Variants in CDH13 observed in about 807,000 individuals in gnomAD.
CDH13 encodes cadherin-13.
A neutral mutation model predicts 63.8 loss-of-function variants in CDH13; 24 were observed. The observed-to-expected ratio is 0.38, with a 90% CI of 0.27 to 0.53. The LOEUF is 0.53. CDH13 is among the 20% of genes least tolerant of loss of function. CDH13 has a pLI of 0.85. For missense variants in CDH13, 1,049 were observed against 903.1 expected (o/e 1.16, Z -2.07); for synonymous variants, 503 against 355.3 (o/e 1.42, Z -4.67).
intron 6 of CDH13, among the ~76,000 whole-genome samples, chr16:83,409,044 T>C (rs2092088476): frequency 6.6e-6 from 1 of 152,060 alleles, no homozygotes; most frequent in Non-Finnish European, 1.5e-5. Context: ...CAGATGCTGA[T>C]GCTGAGGCAA....
intron 1 of CDH13, among the ~76,000 whole-genome samples, chr16:82,834,954 C>G (rs1290078950): frequency 2.0e-5 from 3 of 152,158 alleles, no homozygotes; most frequent in Admixed American, 6.5e-5. Flanking sequence ...ACTACTGGCT[C>G]TTTAAGAAAA....
chr16:82,851,441 AAAATAAAAAG>A (rs1567600134), intron 1 of CDH13, among the ~76,000 whole-genome samples: 1 of 22,776 alleles, frequency 4.4e-5, no homozygotes, highest in Non-Finnish European at 1.1e-4. Context: ...TCTCAAAAAA[AAAATAAAAAG>A]AAAAAGAAAA....
At chr16:83,483,131 A>C (rs2073811024) in intron 6 of CDH13, among the ~76,000 whole-genome samples, 1 of 152,198 alleles carries the variant, frequency 6.6e-6, no homozygotes, top group African/African-American at 2.4e-5. Flanking sequence ...ACGCAGCTTG[A>C]AAAGACTTGA....
At chr16:83,400,791 C>G (rs1273004981) in intron 6 of CDH13, among the ~76,000 whole-genome samples, 2 of 152,110 alleles carry the variant, frequency 1.3e-5, no homozygotes, top group African/African-American at 4.8e-5. Context: ...AGTTGCTGCC[C>G]TTGTTGTTTA....
chr16:83,673,616 A>G (rs780162779), intron 9 of CDH13, among the ~76,000 whole-genome samples: 23 of 152,242 alleles, frequency 1.5e-4, no homozygotes, highest in Admixed American at 2.0e-4. Flanking sequence ...CCAGACTTGC[A>G]GGAAGGAGCC....
chr16:83,483,520 C>T (rs1441116778), intron 6 of CDH13, among the ~76,000 whole-genome samples: 4 of 150,912 alleles, frequency 2.7e-5, no homozygotes, highest in Non-Finnish European at 5.9e-5. Flanking sequence ...AGTTGCAAGC[C>T]ATGATGACTT....
intron 3 of CDH13, among the ~76,000 whole-genome samples, chr16:83,064,135 C>T (rs990856979): frequency 6.6e-6 from 1 of 152,066 alleles, no homozygotes; most frequent in African/African-American, 2.4e-5. Context: ...CTTTGGGAGG[C>T]CGAGGTGGGC....
At chr16:82,825,195 T>A (rs2038184339) in intron 1 of CDH13, 1 of 152,174 alleles carries the variant, frequency 6.6e-6, no homozygotes, top group African/African-American at 2.4e-5. Context: ...ACTTTCTTCT[T>A]TTTCCAAGGG....
intron 5 of CDH13, among the ~76,000 whole-genome samples, chr16:83,217,701 C>T (rs1257316347): frequency 2.0e-5 from 3 of 152,110 alleles, no homozygotes; most frequent in Non-Finnish European, 4.4e-5. Flanking sequence ...GTAGAGCCCT[C>T]CAGGCCTGCA....
chr16:82,986,522 G>T (rs1270504181), intron 2 of CDH13, among the ~76,000 whole-genome samples: 2 of 152,112 alleles, frequency 1.3e-5, no homozygotes, highest in African/African-American at 2.4e-5. Flanking sequence ...TTTTATTTCT[G>T]GTGTACACAC....
intron 2 of CDH13, among the ~76,000 whole-genome samples, chr16:82,988,963 C>G (rs185788059): frequency 1.7e-3 from 251 of 152,094 alleles, no homozygotes; most frequent in African/African-American, 5.9e-3. Flanking sequence ...TTTTATATCT[C>G]CAGTGCCAAA....
chr16:83,538,813 C>T (rs2075244893), intron 7 of CDH13, among the ~76,000 whole-genome samples: 1 of 152,092 alleles, frequency 6.6e-6, no homozygotes, highest in Non-Finnish European at 1.5e-5. Flanking sequence ...AGTATTTATC[C>T]AGCTTGGATA....
intron 6 of CDH13, among the ~76,000 whole-genome samples, chr16:83,422,717 T>A (rs781411800): frequency 6.6e-6 from 1 of 152,138 alleles, no homozygotes; most frequent in Non-Finnish European, 1.5e-5. Context: ...CATGTGGCCA[T>A]TTGCTTGCAT....
intron 5 of CDH13, among the ~76,000 whole-genome samples, chr16:83,251,702 G>A (rs565749084): frequency 9.9e-5 from 15 of 152,224 alleles, no homozygotes; most frequent in Non-Finnish European, 1.6e-4. Flanking sequence ...TCTGACATCT[G>A]AATAGCTACG....
intron 2 of CDH13, among the ~76,000 whole-genome samples, chr16:82,965,516 AATTTATTTATTC>A (rs1226673706): frequency 3.3e-5 from 5 of 152,236 alleles, no homozygotes; most frequent in South Asian, 2.1e-4. Context: ...CTGATAAGTG[AATTTATTTATTC>A]ATTTATTTAT....
chr16:82,752,378 A>T (rs185847591), intron 1 of CDH13, among the ~76,000 whole-genome samples: 43 of 151,958 alleles, frequency 2.8e-4, no homozygotes, highest in Middle Eastern at 6.8e-3. Context: ...CCTTGTGCTG[A>T]CTCTGTCCCC....
chr16:83,160,522 T>A (rs1369562419), intron 4 of CDH13, among the ~76,000 whole-genome samples: 4 of 152,140 alleles, frequency 2.6e-5, no homozygotes, highest in Non-Finnish European at 5.9e-5. Flanking sequence ...ATTTGACCCA[T>A]GACGTATGGA....
intron 1 of CDH13, among the ~76,000 whole-genome samples, chr16:82,804,839 A>G (rs1309047121): frequency 6.6e-6 from 1 of 152,248 alleles, no homozygotes; most frequent in Non-Finnish European, 1.5e-5. Context: ...AAAACATATT[A>G]AGAAATTTAG....
At chr16:83,575,146 G>A (rs745595706) in intron 7 of CDH13, among the ~76,000 whole-genome samples, 1 of 152,176 alleles carries the variant, frequency 6.6e-6, no homozygotes, top group Non-Finnish European at 1.5e-5. Flanking sequence ...GGCAGCCATG[G>A]AAAATGAAGG....
Sources: gnomAD v4.1 joint callset for allele counts (sites outside exome capture counted in the v4.1 genomes callset) on GRCh38, gnomAD v4.1.1 for gene constraint, MANE v1.5 for transcripts, NCBI Gene and HGNC (gene_info 2026-07-23, HGNC 2026-07-21) for gene names.